NTAN1: variants seen among roughly 807,000 people sequenced by gnomAD.
The protein encoded by NTAN1 is protein N-terminal asparagine amidohydrolase.
A neutral mutation model predicts 41.9 loss-of-function variants in NTAN1; 32 were observed. That is an observed-to-expected ratio of 0.76 (90% CI 0.58 to 1.03). NTAN1 has a LOEUF of 1.03. Among genes scored for constraint, NTAN1 ranks in the 50% least tolerant of loss-of-function variants. NTAN1 has a pLI of 0.00. For synonymous variants in NTAN1, 140 were observed against 139.5 expected, an observed-to-expected ratio of 1.00 and a Z score of -0.03; for missense variants, 377 against 377.5, an observed-to-expected ratio of 1.00 and a Z score of 0.01.
intron 4 of NTAN1, among the ~76,000 whole-genome samples, chr16:15,046,300 G>C (rs971959363): frequency 6.6e-6 from 1 of 152,210 alleles, no homozygotes; most frequent in African/African-American, 2.4e-5. Flanking sequence ...CTTCGTATAT[G>C]ATGGGAGTAG....
Position 15,038,012 on chromosome 16 carries a change from C to CTTTGGTAATTCATGTTTTTTA in NTAN1, c.931_*18dup. 6.3e-7 allele frequency: 1 copy of CTTTGGTAATTCATGTTTTTTA among 1,599,714 alleles called. No homozygotes were observed. On this transcript the variant is annotated 3_prime_UTR_variant, in exon 10 of 10. Transcript: ENST00000287706. ...GTCTGTCAGGCCAAGAAGGTGCTTT[C>CTTTGGTAATTCATGTTTTTTA]TTTGGTAATTCATGTTTTTTAACTT...
At chr16:15,046,349 A>G (rs2044061087) in intron 4 of NTAN1, among the ~76,000 whole-genome samples, 1 of 152,194 alleles carries the variant, frequency 6.6e-6, no homozygotes, top group South Asian at 2.1e-4. Context: ...GTAAAATGAG[A>G]GCAACACCTG....
chr16:15,041,581 T>C, intron 6 of NTAN1, 42 bp downstream of exon 6: 6 of 1,452,000 alleles, frequency 4.1e-6, no homozygotes, highest in East Asian at 2.3e-5. Flanking sequence ...AAAACGGTCC[T>C]GAGACCCACA....
intron 1 of NTAN1, among the ~76,000 whole-genome samples, chr16:15,052,707 G>A (rs1025955721): frequency 6.6e-6 from 1 of 152,058 alleles, no homozygotes; most frequent in African/African-American, 2.4e-5. Context: ...GGTGGCAGAT[G>A]TCTGATACTC....
chr16:15,047,808 G>C (rs1431345450), intron 3 of NTAN1, 47 bp downstream of exon 3: 1 of 1,453,026 alleles, frequency 6.9e-7, no homozygotes, highest in Non-Finnish European at 9.7e-7. Context: ...TGGTCCCAAA[G>C]GTTGGGTCAG....
chr16:15,047,412 A>C (rs745540384), intron 4 of NTAN1, 30 bp downstream of exon 4: 4 of 1,396,156 alleles, frequency 2.9e-6, no homozygotes, highest in Middle Eastern at 1.8e-4. Context: ...CAAGATCTCA[A>C]TTCACCTATG....
rs753931847 is a variant in NTAN1 at position 15,038,073 on chromosome 16, A to AT, written c.890dup (p.Asn297LysfsTer2). 17 of 1,602,986 alleles carry AT rather than the reference A, an allele frequency of 1.1e-5. No homozygotes were observed. The highest frequency in any genetic ancestry group is 2.2e-5 in the East Asian group (1 of 44,706). On this transcript the variant is annotated frameshift_variant, in exon 10 of 10. Transcript: ENST00000287706. LOFTEE classifies it high-confidence loss of function. ...AGATCTTTTCCCACAAGCCATCTTC[A>AT]TTTTTTTTGTAGAGTAGGGCTTTAT... is the stretch of plus-strand genomic sequence containing the variant.
chr16:15,039,287 A>C (rs2043698567), intron 8 of NTAN1, among the ~76,000 whole-genome samples: 1 of 152,196 alleles, frequency 6.6e-6, no homozygotes, highest in Non-Finnish European at 1.5e-5. Context: ...AGTCCTAAAA[A>C]TGTTAAAAGG....
At chr16:15,038,777 C>G (rs2043668418) in intron 8 of NTAN1, 90 bp from the exon 9 acceptor site, 1 of 691,404 alleles carries the variant, frequency 1.4e-6, no homozygotes, top group Non-Finnish European at 2.5e-6. Flanking sequence ...GTAGTCCTTT[C>G]ATGCATTTAT....
At chr16:15,054,404 A>C (rs1310008580) in intron 1 of NTAN1, among the ~76,000 whole-genome samples, 1 of 152,148 alleles carries the variant, frequency 6.6e-6, no homozygotes, top group African/African-American at 2.4e-5. Context: ...ACACCCATCT[A>C]ACTTTCTATC....
intron 4 of NTAN1, 87 bp downstream of exon 4, chr16:15,047,355 G>T: frequency 1.1e-6 from 1 of 871,718 alleles, no homozygotes; most frequent in Non-Finnish European, 1.9e-6. Flanking sequence ...GTGGCATCCT[G>T]TGTTCCCCTA....
intron 1 of NTAN1, among the ~76,000 whole-genome samples, chr16:15,052,968 G>A (rs1444973225): frequency 1.3e-5 from 2 of 152,172 alleles, no homozygotes; most frequent in African/African-American, 4.8e-5. Context: ...AGTGACTAAG[G>A]GAGGGCTCTA....
At chr16:15,039,355 A>G (rs1402172668) in intron 8 of NTAN1, among the ~76,000 whole-genome samples, 5 of 152,196 alleles carry the variant, frequency 3.3e-5, no homozygotes, top group Non-Finnish European at 7.3e-5. Context: ...CATAAATGAG[A>G]AGATTTCTTT....
chr16:15,038,073 A>C lies in NTAN1; in HGVS notation c.891T>G (p.Asn297Lys). 1 of 1,603,366 alleles carries C rather than the reference A, an allele frequency of 6.2e-7. No homozygotes were observed. The highest frequency in any genetic ancestry group is 1.1e-5 in the South Asian group (1 of 89,972). ...AGATCTTTTCCCACAAGCCATCTTC[A>C]TTTTTTTTGTAGAGTAGGGCTTTAT... is the stretch of plus-strand genomic sequence containing the variant. The part of the protein sequence containing the change: ...SGNKALLYKK[N>K]EDGLWEKISS... Residue 297 changes from asparagine to lysine, a missense_variant, in exon 10 of 10, where the codon AAT becomes AAG. Transcript: ENST00000287706.
At chr16:15,041,236 C>A in intron 6 of NTAN1, 115 bp from the exon 7 acceptor site, 3 of 741,680 alleles carry the variant, frequency 4.0e-6, no homozygotes, top group Middle Eastern at 3.2e-4. Flanking sequence ...GAGGAAAATT[C>A]CAGAAAATGA....
intron 2 of NTAN1, 21 bp downstream of exon 2, chr16:15,047,976 A>T (rs2044143890): frequency 1.4e-5 from 22 of 1,605,214 alleles, no homozygotes; most frequent in Non-Finnish European, 1.9e-5. Context: ...ATAACGCCCA[A>T]TTCACTGCTT....
intron 4 of NTAN1, 169 bp downstream of exon 4, chr16:15,047,273 T>C: frequency 1.6e-6 from 1 of 608,362 alleles, no homozygotes; most frequent in East Asian, 2.7e-5. Flanking sequence ...ACTCATTCAC[T>C]CAACCACTGC....
Position 15,044,348 on chromosome 16 carries a change from G to C in NTAN1, c.419C>G (p.Thr140Ser), listed in dbSNP as rs1173377255. 6.2e-7 allele frequency: 1 copy of C among 1,610,410 alleles called. No individual in the cohort carries two copies. The highest frequency in any genetic ancestry group is 8.5e-7 in the Non-Finnish European group (1 of 1,176,678). ...SDDRQLSQKLTHQLLSEFDRQ... is the reference protein window; with the variant it reads ...SDDRQLSQKLSHQLLSEFDRQ... ...AATGAACTTACTAAGAAGTTGATGA[G>C]TGAGTTTTTGTGACAACTGCCTGTC... Residue 140 changes from threonine to serine, a missense_variant, in exon 5 of 10, where the codon ACT (threonine) becomes AGT (serine). Physicochemically the swap from Thr to Ser is moderately conservative, Grantham distance 58. Coordinates refer to ENST00000287706, the MANE Select transcript of NTAN1 (RefSeq NM_173474.4).
At chr16:15,050,769 T>C (rs1372842826) in intron 1 of NTAN1, among the ~76,000 whole-genome samples, 1 of 151,706 alleles carries the variant, frequency 6.6e-6, no homozygotes, top group Non-Finnish European at 1.5e-5. Context: ...AAAGAAGAGA[T>C]GTAATAAACA....
Sources: gnomAD v4.1 joint callset for allele counts (sites outside exome capture counted in the v4.1 genomes callset) on GRCh38, gnomAD v4.1.1 for gene constraint, MANE v1.5 for transcripts, NCBI Gene and HGNC (gene_info 2026-07-23, HGNC 2026-07-21) for gene names.